Variants in KLHDC10 observed in about 807,000 individuals in gnomAD.
KLHDC10 encodes kelch domain-containing protein 10.
A neutral mutation model predicts 56.1 loss-of-function variants in KLHDC10; 24 were observed. The observed-to-expected ratio is 0.43, with a 90% CI of 0.31 to 0.60. KLHDC10 has a LOEUF of 0.60. Ranked by LOEUF, KLHDC10 falls within the 20% of genes least tolerant of loss-of-function variation. The pLI is 0.11. For synonymous variants in KLHDC10, 188 were observed against 207.1 expected (o/e 0.91, Z 0.79); for missense variants, 349 against 567.0 (o/e 0.62, Z 3.91).
intron 3 of KLHDC10, among the ~76,000 whole-genome samples, chr7:130,118,123 A>G (rs763830161): frequency 1.5e-4 from 23 of 152,032 alleles, no homozygotes; most frequent in Non-Finnish European, 2.6e-4. Flanking sequence ...GCAATAAGCC[A>G]AGATCGCCCC....
Position 130,130,704 on chromosome 7 carries a change from G to A in KLHDC10, c.1287G>A (p.Leu429=), listed in dbSNP as rs1262462237. 4 of 1,613,998 alleles carry A rather than the reference G, an allele frequency of 2.5e-6. No individual in the cohort carries two copies. The highest frequency in any genetic ancestry group is 3.4e-6 in the Non-Finnish European group (4 of 1,180,034). The change falls in exon 10 of 10, where the codon CTG becomes CTA. Residue 429 remains leucine (L), a synonymous_variant. Coordinates refer to ENST00000335420, the MANE Select transcript of KLHDC10 (RefSeq NM_014997.4). This position sits in a 1 kb window ranked among gnomAD's most constrained non-coding sequence, Gnocchi z 4.2. ...NLANLSRTQL[L]HLGLTQGLIE... ...CAAACCTCTCCCGAACACAACTTCTGCACCTTGGACTCACACAGGGACTCA... is the reference window on the plus strand; with the variant it reads ...CAAACCTCTCCCGAACACAACTTCTACACCTTGGACTCACACAGGGACTCA...
intron 1 of KLHDC10, among the ~76,000 whole-genome samples, chr7:130,084,464 A>G (rs1795653992): frequency 6.6e-6 from 1 of 152,112 alleles, no homozygotes; most frequent in South Asian, 2.1e-4. Flanking sequence ...TGTGAAGGAG[A>G]GAGAAGAATC....
At chr7:130,121,185 G>C (rs937387002) in intron 4 of KLHDC10, among the ~76,000 whole-genome samples, 1 of 151,276 alleles carries the variant, frequency 6.6e-6, no homozygotes, top group African/African-American at 2.4e-5. Context: ...TTAAATGTTA[G>C]AACCCCACCT....
At chr7:130,112,141 G>T (rs753903201) in intron 2 of KLHDC10, among the ~76,000 whole-genome samples, 15 of 152,202 alleles carry the variant, frequency 9.9e-5, no homozygotes, top group African/African-American at 2.6e-4. Context: ...ACAAATATAT[G>T]TAGAGGAAGC....
intron 2 of KLHDC10, among the ~76,000 whole-genome samples, chr7:130,111,166 C>T (rs1263772735): frequency 1.3e-5 from 2 of 152,054 alleles, no homozygotes; most frequent in Admixed American, 1.3e-4. Flanking sequence ...AATTAGAGCC[C>T]TACCTTATAC....
At chr7:130,084,046 A>G (rs562308174) in intron 1 of KLHDC10, among the ~76,000 whole-genome samples, 55 of 152,136 alleles carry the variant, frequency 3.6e-4, no homozygotes, top group Non-Finnish European at 1.9e-4. Flanking sequence ...ATATCTATCC[A>G]TATGCCAATA....
chr7:130,127,726 T>G (rs1211568645), intron 8 of KLHDC10, among the ~76,000 whole-genome samples: 2 of 152,220 alleles, frequency 1.3e-5, no homozygotes, highest in Non-Finnish European at 2.9e-5. Flanking sequence ...ATCCCACACC[T>G]CAACAGATGT....
In KLHDC10 at chr7:130,118,008, A is replaced by G. The variant is rs190123353; in HGVS notation, c.475+1342A>G. ...GTGAAACCCTGTCTCTACAAAAAAC[A>G]CACACACAAAAAAAATTAGCTGGGC... On this transcript the variant is annotated intron_variant, in intron 3 of 9. Coordinates refer to ENST00000335420, the MANE Select transcript of KLHDC10 (RefSeq NM_014997.4). 9.7e-3 allele frequency among the ~76,000 whole-genome samples: 1,481 copies of G among 151,912 alleles called. 20 individuals carry two copies. The highest frequency in any genetic ancestry group is 0.034 in the African/African-American group (1,405 of 41,426).
chr7:130,120,677 T>A lies in KLHDC10; in HGVS notation c.476-72T>A. 6.6e-7 allele frequency: 1 copy of A among 1,511,040 alleles called. No individual in the cohort carries two copies. The highest frequency in any genetic ancestry group is 9.1e-7 in the Non-Finnish European group (1 of 1,096,336). The allele number at this position is 1,511,040 out of a possible 1,614,324, so 93.6% of individuals were successfully genotyped here. A position where few individuals can be genotyped will look rare whatever the true frequency, so the allele number is the denominator to read the frequency against. ...AAGCAGATATGTGTAGCTTCTCAGA[T>A]ATTCTGGGTTTATGTGGGAACAAAT... On this transcript the variant is annotated intron_variant, in intron 3 of 9. Coordinates refer to ENST00000335420, the MANE Select transcript of KLHDC10 (RefSeq NM_014997.4). This position sits in a 1 kb window ranked among gnomAD's most constrained non-coding sequence, Gnocchi z 5.1.
intron 2 of KLHDC10, among the ~76,000 whole-genome samples, 168 bp downstream of exon 2, chr7:130,097,175 A>G (rs1484827437): frequency 6.6e-6 from 1 of 152,258 alleles, no homozygotes; most frequent in Non-Finnish European, 1.5e-5. Flanking sequence ...CTTGTTGGCC[A>G]CTATTGGGAT....
At chr7:130,110,569 G>A (rs193288153) in intron 2 of KLHDC10, among the ~76,000 whole-genome samples, 34 of 152,250 alleles carry the variant, frequency 2.2e-4, no homozygotes, top group Non-Finnish European at 1.5e-5. Context: ...TTGGGCTCTG[G>A]GAGTAGTAAA....
chr7:130,081,883 C>T (rs1405933796), intron 1 of KLHDC10, among the ~76,000 whole-genome samples: 1 of 152,010 alleles, frequency 6.6e-6, no homozygotes, highest in African/African-American at 2.4e-5. Flanking sequence ...GTTTATATTT[C>T]TTTCTATTGT....
chr7:130,101,795 C>T (rs1795933544), intron 2 of KLHDC10, among the ~76,000 whole-genome samples: 2 of 151,802 alleles, frequency 1.3e-5, no homozygotes, highest in African/African-American at 2.4e-5. Context: ...ACGGTGAAAC[C>T]CCGTCTCTAC....
At chr7:130,083,352 C>T (rs763941537) in intron 1 of KLHDC10, among the ~76,000 whole-genome samples, 3 of 152,160 alleles carry the variant, frequency 2.0e-5, no homozygotes, top group Admixed American at 6.5e-5. Flanking sequence ...TACCCTCACT[C>T]TATTTGTCCC....
chr7:130,081,245 C>T (rs927274101), intron 1 of KLHDC10, among the ~76,000 whole-genome samples: 15 of 151,748 alleles, frequency 9.9e-5, no homozygotes, highest in East Asian at 1.9e-4. Context: ...GTGATCCACC[C>T]GCCTCGGCCT....
intron 2 of KLHDC10, among the ~76,000 whole-genome samples, chr7:130,111,985 T>C (rs1326901550): frequency 6.6e-6 from 1 of 152,354 alleles, no homozygotes; most frequent in Non-Finnish European, 1.5e-5. Context: ...GGGTCCATTC[T>C]ATTTGGAAAG....
At chr7:130,073,152 T>G (rs1001088311) in intron 1 of KLHDC10, among the ~76,000 whole-genome samples, 2 of 152,078 alleles carry the variant, frequency 1.3e-5, no homozygotes, top group African/African-American at 2.4e-5. Context: ...GAGGATCACT[T>G]GAGCCTAGGA....
intron 1 of KLHDC10, among the ~76,000 whole-genome samples, chr7:130,080,067 A>C (rs1246888594): frequency 6.6e-6 from 1 of 151,758 alleles, no homozygotes; most frequent in Non-Finnish European, 1.5e-5. Context: ...TTAGCCTCCT[A>C]AGTAGCTAGG....
At chr7:130,129,606 G>T (rs1298379300) in intron 9 of KLHDC10, 30 bp downstream of exon 9, 1 of 1,599,132 alleles carries the variant, frequency 6.3e-7, no homozygotes, top group Admixed American at 1.7e-5. Context: ...TCTTCCTTAT[G>T]TAGTTACAGA....
Sources: gnomAD v4.1 joint callset for allele counts (sites outside exome capture counted in the v4.1 genomes callset) on GRCh38, gnomAD v4.1.1 for gene constraint, Gnocchi (gnomAD v3.1) non-coding constraint, MANE v1.5 for transcripts, NCBI Gene and HGNC (gene_info 2026-07-23, HGNC 2026-07-21) for gene names.